Variants in UBXN7 observed in about 807,000 individuals in gnomAD.
UBXN7 encodes the protein UBX domain protein 7.
Under a neutral mutation model 58.0 loss-of-function variants are expected in UBXN7, and 9 were observed. That is an observed-to-expected ratio of 0.16 (90% confidence interval 0.09 to 0.27). UBXN7 has a LOEUF of 0.27. Ranked by LOEUF, UBXN7 falls within the 10% of genes least tolerant of loss-of-function variation. The probability of loss-of-function intolerance (pLI) is 1.00; values close to 1 mark genes in which losing one functional copy is unlikely to be tolerated. For missense variants in UBXN7, 328 were observed against 599.6 expected (o/e 0.55, Z 4.73); for synonymous variants, 208 against 205.0 (o/e 1.01, Z -0.12).
chr3:196,378,725 C>T (rs766765285), intron 5 of UBXN7, among the ~76,000 whole-genome samples: 4 of 152,202 alleles, frequency 2.6e-5, no homozygotes, highest in Admixed American at 6.5e-5. Context: ...ACCAGGTCAC[C>T]CTCATCACCA....
rs1329586173 is a variant in UBXN7 at position 196,351,433 on chromosome 3, C to A, written c.*5252G>T. The A allele has an allele frequency of 6.6e-6, 1 of 151,588 alleles. No individual in the cohort carries two copies. Among genetic ancestry groups the A allele is most frequent in the African/African-American group, 2.4e-5 (1 of 41,220 alleles). 9.4% of individuals were successfully genotyped at this position (151,588 alleles called of 1,614,324 possible). A position where few individuals can be genotyped will look rare whatever the true frequency, so the allele number is the denominator to read the frequency against. ...TCTCCTCTTTGGAGATTTCAGTCAT[C>A]GCAGTAAGATTAAGAGCAAGTTGTT... On this transcript the variant is annotated 3_prime_UTR_variant, in exon 11 of 11. Coordinates refer to ENST00000296328, the MANE Select transcript of UBXN7 (RefSeq NM_015562.2).
intron 2 of UBXN7, 73 bp from the exon 3 acceptor site, chr3:196,403,092 T>C: frequency 7.2e-7 from 1 of 1,384,922 alleles, no homozygotes; most frequent in Non-Finnish European, 9.9e-7. Flanking sequence ...GTAAATACTG[T>C]GAATATATTC....
At chr3:196,404,759 T>C (rs904631848) in intron 2 of UBXN7, among the ~76,000 whole-genome samples, 1 of 152,190 alleles carries the variant, frequency 6.6e-6, no homozygotes, top group Non-Finnish European at 1.5e-5. Context: ...TTCAAAATTA[T>C]GTTAAGTACC....
At chr3:196,363,065 C>A (rs974646140) in intron 8 of UBXN7, among the ~76,000 whole-genome samples, 5 of 151,818 alleles carry the variant, frequency 3.3e-5, no homozygotes, top group Non-Finnish European at 7.4e-5. Flanking sequence ...CCACCACGCC[C>A]AGCTAATTTT....
intron 3 of UBXN7, among the ~76,000 whole-genome samples, chr3:196,401,823 G>GAGAGGAGAGAAGAGAAGAGAAGAGA (rs1730000130): frequency 8.3e-6 from 1 of 120,312 alleles, no homozygotes; most frequent in African/African-American, 3.1e-5. Flanking sequence ...GAAAAGAGAA[G>GAGAGGAGAGAAGAGAAGAGAAGAGA]AGAGAAGAGA....
At chr3:196,425,585 C>T (rs951978215) in intron 1 of UBXN7, among the ~76,000 whole-genome samples, 1 of 152,036 alleles carries the variant, frequency 6.6e-6, no homozygotes, top group Non-Finnish European at 1.5e-5. Context: ...CCCTTGACTC[C>T]CCACTATTCT....
chr3:196,378,134 CTAGATTA>C (rs750589421), intron 5 of UBXN7, among the ~76,000 whole-genome samples: 12 of 152,152 alleles, frequency 7.9e-5, no homozygotes, highest in Non-Finnish European at 1.6e-4. Context: ...GTTTCTCCTA[CTAGATTA>C]TAAACGCTAC....
intron 1 of UBXN7, 63 bp downstream of exon 1, chr3:196,432,264 C>T (rs754789367): frequency 6.3e-7 from 1 of 1,596,392 alleles, no homozygotes; most frequent in Non-Finnish European, 8.6e-7. Flanking sequence ...AGGGGAAGCC[C>T]GGGGCAGACC....
Position 196,362,453 on chromosome 3 carries a change from G to A in UBXN7, c.1069C>T (p.His357Tyr), listed in dbSNP as rs766553557. 6.2e-7 allele frequency: 1 copy of A among 1,614,044 alleles called. No homozygotes were observed. The highest frequency in any genetic ancestry group is 1.3e-5 in the African/African-American group (1 of 74,986). Residue 357 changes from histidine (H) to tyrosine (Y), a missense_variant, in exon 9 of 11, where the codon CAT becomes TAT. By Grantham distance (83) the His-to-Tyr change is moderately conservative. This residue lies in a region of UBXN7 where 66 missense variants were observed against 77.9 expected (regional missense o/e 0.85). Coordinates refer to ENST00000296328, the MANE Select transcript of UBXN7 (RefSeq NM_015562.2). ...GGCCTTCTATTCTCCTCTTTTCTAT[G>A]CCCCAAATCTTTGTGGGGAGACTTT... ...SRKSPHKDLGHRKEENRRPLT... is the reference protein window; with the variant it reads ...SRKSPHKDLGYRKEENRRPLT...
intron 3 of UBXN7, among the ~76,000 whole-genome samples, chr3:196,401,932 A>G (rs1730008067): frequency 6.6e-6 from 1 of 151,706 alleles, no homozygotes; most frequent in African/African-American, 2.4e-5. Context: ...GCAACATGCA[A>G]TTTACCCATG....
At chr3:196,429,340 AC>A (rs59216421) in intron 1 of UBXN7, among the ~76,000 whole-genome samples, 1,781 of 151,688 alleles carry the variant, frequency 0.012, 33 homozygotes, top group African/African-American at 0.038. Flanking sequence ...AAAAAAAAAA[AC>A]ATCAGTCATT....
At chr3:196,393,807 G>A (rs1026091270) in intron 3 of UBXN7, 188 bp from the exon 4 acceptor site, 51 of 443,378 alleles carry the variant, frequency 1.2e-4, no homozygotes, top group Admixed American at 2.1e-4. Flanking sequence ...CTGCCGCAGC[G>A]AGCACAGTAT....
chr3:196,430,039 A>G (rs2108629721), intron 1 of UBXN7, among the ~76,000 whole-genome samples: 1 of 152,330 alleles, frequency 6.6e-6, no homozygotes, highest in Non-Finnish European at 1.5e-5. Flanking sequence ...AGTAATTAGC[A>G]TAAGAAACTG....
intron 3 of UBXN7, among the ~76,000 whole-genome samples, chr3:196,398,959 T>C (rs895897420): frequency 6.6e-6 from 1 of 152,066 alleles, no homozygotes; most frequent in Non-Finnish European, 1.5e-5. Context: ...AACCTCTTTT[T>C]TAAAATCACT....
At chr3:196,405,164 A>G (rs917359986) in intron 2 of UBXN7, among the ~76,000 whole-genome samples, 2 of 149,468 alleles carry the variant, frequency 1.3e-5, no homozygotes, top group Non-Finnish European at 3.0e-5. Context: ...TGTTTTTAAA[A>G]AAAGAGTTAA....
rs767118723 is a variant in UBXN7 at position 196,371,875 on chromosome 3, C to G, written c.615+21G>C. 19 of 1,601,762 alleles carry G rather than the reference C, an allele frequency of 1.2e-5. 1 individual carries two copies. The South Asian group carries it at 1.9e-4, about 16-fold the overall frequency. The stretch of plus-strand genomic sequence containing the variant: ...ACAAAAGTAAAATTCTACAAAACTT[C>G]TGATTAACTCTCCTTCTCACCTGCC... On this transcript the variant is annotated intron_variant, in intron 6 of 10. Coordinates refer to ENST00000296328, the MANE Select transcript of UBXN7 (RefSeq NM_015562.2).
chr3:196,411,014 C>T (rs764851580), intron 1 of UBXN7, among the ~76,000 whole-genome samples: 9 of 152,144 alleles, frequency 5.9e-5, no homozygotes, highest in Non-Finnish European at 8.8e-5. Flanking sequence ...TCCTCCCCAT[C>T]GTCCCCTCAT....
chr3:196,432,043 G>A (rs559205757), intron 1 of UBXN7: 2 of 564,918 alleles, frequency 3.5e-6, no homozygotes, highest in Non-Finnish European at 3.2e-6. Context: ...GCCGGCGGGG[G>A]CGGACGGACT....
intron 3 of UBXN7, among the ~76,000 whole-genome samples, chr3:196,399,363 C>T (rs2108850116): frequency 6.6e-6 from 1 of 151,988 alleles, no homozygotes; most frequent in East Asian, 1.9e-4. Context: ...GTCTCAAACT[C>T]CTGGGCTCAA....
Sources: gnomAD v4.1 joint callset for allele counts (sites outside exome capture counted in the v4.1 genomes callset) on GRCh38, gnomAD v4.1.1 for gene constraint, gnomAD v4.1.1 regional missense constraint, MANE v1.5 for transcripts, NCBI Gene and HGNC (gene_info 2026-07-23, HGNC 2026-07-21) for gene names.